Variants in CHD6 observed in about 807,000 individuals in gnomAD.
CHD6 encodes the protein ATP-dependent chromatin remodeler CHD6.
Under a neutral mutation model 276.9 loss-of-function variants are expected in CHD6, and 50 were observed. That is an observed-to-expected ratio of 0.18 (90% CI 0.14 to 0.23). The LOEUF (loss-of-function observed/expected upper bound fraction) is 0.23. CHD6 is among the 10% of genes least tolerant of loss of function. CHD6 has a pLI of 1.00. For synonymous variants in CHD6, 1,173 were observed against 1,229.3 expected, an observed-to-expected ratio of 0.95 and a Z score of 0.96; for missense variants, 2,564 against 3,365.8, an observed-to-expected ratio of 0.76 and a Z score of 5.89.
intron 14 of CHD6, among the ~76,000 whole-genome samples, chr20:41,486,437 T>C (rs1439946336): frequency 6.6e-6 from 1 of 152,184 alleles, no homozygotes; most frequent in Non-Finnish European, 1.5e-5. Flanking sequence ...TAGAGCTGGC[T>C]TTTGAAAATC....
chr20:41,614,010 A>T lies in CHD6; in HGVS notation c.-24+4330T>A, dbSNP rs530991601. Among the ~76,000 whole-genome samples the T allele has an allele frequency of 7.8e-4, 109 of 139,116 alleles. 1 individual carries two copies. Among genetic ancestry groups the T allele is most frequent in the African/African-American group, 2.3e-3 (82 of 35,276 alleles). 91.3% of individuals were successfully genotyped at this position (139,116 alleles called of 152,430 possible). On this transcript the variant is annotated intron_variant, in intron 1 of 36. Coordinates refer to ENST00000373233, the MANE Select transcript of CHD6 (RefSeq NM_032221.5). ...TTACATAAAAACAATCTTAGAGTAT[A>T]AAAAAAAAAAAAATCTAAAACCAAA...
intron 1 of CHD6, among the ~76,000 whole-genome samples, chr20:41,591,379 T>C (rs199906935): frequency 0.067 from 9,687 of 143,956 alleles, 364 homozygotes; most frequent in South Asian, 0.11. Flanking sequence ...TATATATATA[T>C]ACACACACAC....
rs1451185928 is a variant in CHD6 at position 41,428,390 on chromosome 20, T to C, written c.4069-2237A>G. Among the ~76,000 whole-genome samples, 8 of 152,348 alleles carry C rather than the reference T, an allele frequency of 5.3e-5. No homozygotes were observed. The South Asian group carries it at 8.3e-4, about 16-fold the overall frequency. On this transcript the variant is annotated intron_variant, in intron 27 of 36. Transcript: ENST00000373233. ...ATGCAGAGGCCCTGCATCTGAACTATGTAGTCTAATGTGTGCTACCTCAAT... is the reference window on the plus strand; with the variant it reads ...ATGCAGAGGCCCTGCATCTGAACTACGTAGTCTAATGTGTGCTACCTCAAT...
intron 16 of CHD6, among the ~76,000 whole-genome samples, chr20:41,474,754 T>A (rs2145789607): frequency 6.6e-6 from 1 of 152,232 alleles, no homozygotes; most frequent in East Asian, 1.9e-4. Flanking sequence ...GGCAATATGA[T>A]CTTGACTTCC....
intron 3 of CHD6, among the ~76,000 whole-genome samples, chr20:41,518,031 T>C (rs577278222): frequency 2.2e-4 from 33 of 152,328 alleles, no homozygotes; most frequent in African/African-American, 7.2e-4. Context: ...CACAAATTCA[T>C]AGATGTTGAT....
At chr20:41,503,724 A>T (rs1358735927) in intron 5 of CHD6, among the ~76,000 whole-genome samples, 2 of 152,080 alleles carry the variant, frequency 1.3e-5, no homozygotes, top group African/African-American at 4.8e-5. Flanking sequence ...GTCATTAGTT[A>T]TATCGTCAAA....
chr20:41,491,679 G>A lies in CHD6; in HGVS notation c.1436+19C>T. On this transcript the variant is annotated intron_variant, in intron 11 of 36. Coordinates refer to ENST00000373233, the MANE Select transcript of CHD6 (RefSeq NM_032221.5). ...TATACCTCTGGGTACAAACATCTGGGCTGGTTTTGGTTCCTTACCTGTTAT... is the reference window on the plus strand; with the variant it reads ...TATACCTCTGGGTACAAACATCTGGACTGGTTTTGGTTCCTTACCTGTTAT... 2 of 1,613,448 alleles carry A rather than the reference G, an allele frequency of 1.2e-6. No homozygotes were observed. Among genetic ancestry groups the A allele is most frequent in the Non-Finnish European group, 1.7e-6 (2 of 1,179,568 alleles).
At chr20:41,618,230 C>T (rs1440920915) in intron 1 of CHD6, 110 bp downstream of exon 1, 1 of 151,800 alleles carries the variant, frequency 6.6e-6, no homozygotes, top group Non-Finnish European at 1.5e-5. Flanking sequence ...ATCCCGGCTC[C>T]ATTCATAGGG....
rs2043605219 is a variant in CHD6, at chr20:41,493,449, T to C, written c.1314+89A>G. 4 of 1,341,612 alleles carry C rather than the reference T, an allele frequency of 3.0e-6. No homozygotes were observed. In the East Asian group the frequency reaches 9.3e-5, roughly 31 times the overall value. 83.1% of individuals were successfully genotyped at this position (1,341,612 alleles called of 1,614,324 possible). ...AAGGTAAAATACCACAGAAACCACC[T>C]AGGAACAAGCCAGGTGGACTTCCAT... is the stretch of plus-strand genomic sequence containing the variant. On this transcript the variant is annotated intron_variant, in intron 10 of 36. Coordinates refer to ENST00000373233, the MANE Select transcript of CHD6 (RefSeq NM_032221.5).
chr20:41,448,209 G>A (rs1314452164), intron 23 of CHD6, among the ~76,000 whole-genome samples: 1 of 152,118 alleles, frequency 6.6e-6, no homozygotes, highest in East Asian at 1.9e-4. Context: ...TGAGCCACAG[G>A]AGGCAGCAGG....
At chr20:41,410,085 C>G (rs1249519197) in intron 36 of CHD6, among the ~76,000 whole-genome samples, 2 of 152,088 alleles carry the variant, frequency 1.3e-5, no homozygotes, top group Non-Finnish European at 1.5e-5. Flanking sequence ...CATGTGAGCT[C>G]GAAGGAAGGG....
rs1054490510 is a variant in CHD6 at position 41,452,461 on chromosome 20, G to A, written c.3323+279C>T. Among the ~76,000 whole-genome samples, 2 of 152,226 alleles carry A rather than the reference G, an allele frequency of 1.3e-5. No individual in the cohort carries two copies. The highest frequency in any genetic ancestry group is 2.9e-5 in the Non-Finnish European group (2 of 68,042). On this transcript the variant is annotated intron_variant, in intron 21 of 36. Coordinates refer to ENST00000373233, the MANE Select transcript of CHD6 (RefSeq NM_032221.5). The surrounding 1 kb of genome is among the most constrained non-coding windows in gnomAD (Gnocchi z 4.2). Reference sequence around the variant, plus strand: ...CCTTGTATATCCTTGCGGGGTGGGAGGAAGCAGGAAATCAGTACCAGACAG... The same window carrying A: ...CCTTGTATATCCTTGCGGGGTGGGAAGAAGCAGGAAATCAGTACCAGACAG...
At chr20:41,558,649 G>C (rs2146177159) in intron 1 of CHD6, among the ~76,000 whole-genome samples, 2 of 152,130 alleles carry the variant, frequency 1.3e-5, no homozygotes, top group South Asian at 4.2e-4. Flanking sequence ...CAAAAACTCT[G>C]CAACAGTGCC....
In CHD6 at chr20:41,446,855, T is replaced by G. The variant is rs533127677; in HGVS notation, c.3773+1027A>C. On this transcript the variant is annotated intron_variant, in intron 24 of 36. Transcript: ENST00000373233. Reference sequence around the variant, plus strand: ...GGAAGAGGGTGGGCAGCAGACTTACTCTCTCTGTGTTCTACCTAGCTACCA... The same window carrying G: ...GGAAGAGGGTGGGCAGCAGACTTACGCTCTCTGTGTTCTACCTAGCTACCA... Among the ~76,000 whole-genome samples, 53 of 152,292 alleles carry G rather than the reference T, an allele frequency of 3.5e-4. 1 individual carries two copies. Among genetic ancestry groups the G allele is most frequent in the African/African-American group, 1.3e-3 (52 of 41,566 alleles).
In CHD6 at chr20:41,421,759, G is replaced by T; in HGVS notation, c.4876C>A (p.Pro1626Thr). ...TGGTAAAGGCAACAGAGATTTCCTG[G>T]TGCCTGGGTGCCAGATCTTTTATGC... The part of the protein sequence containing the change: ...AQHKRSGTQA[P>T]GNLCCLYQTN... Residue 1626 changes from proline to threonine, a missense_variant, in exon 31 of 37, where the codon CCA becomes ACA. Pro to Thr is a conservative substitution (Grantham distance 38). Transcript: ENST00000373233. 6.2e-7 allele frequency: 1 copy of T among 1,614,168 alleles called. No individual in the cohort carries two copies. Among genetic ancestry groups the T allele is most frequent in the Non-Finnish European group, 8.5e-7 (1 of 1,180,016 alleles).
intron 30 of CHD6, 65 bp from the exon 31 acceptor site, chr20:41,422,144 GCC>G: frequency 6.7e-7 from 1 of 1,503,258 alleles, no homozygotes; most frequent in Middle Eastern, 1.9e-4. Flanking sequence ...GCCCACCTGA[GCC>G]CCTGCATCTT....
At chr20:41,572,038 C>A (rs1400378593) in intron 1 of CHD6, among the ~76,000 whole-genome samples, 1 of 152,182 alleles carries the variant, frequency 6.6e-6, no homozygotes, top group Non-Finnish European at 1.5e-5. Flanking sequence ...TGTTCTTGTA[C>A]TTAGCTATTA....
intron 3 of CHD6, among the ~76,000 whole-genome samples, chr20:41,519,565 A>G (rs1245172807): frequency 2.6e-5 from 4 of 152,142 alleles, no homozygotes; most frequent in Non-Finnish European, 5.9e-5. Flanking sequence ...GAATTCTACA[A>G]ACTGCAGGAA....
chr20:41,539,470 C>T (rs1377804753), intron 2 of CHD6, among the ~76,000 whole-genome samples: 1 of 152,146 alleles, frequency 6.6e-6, no homozygotes. Context: ...GAGAGGGACA[C>T]CTGGTCACTG....
Sources: gnomAD v4.1 joint callset for allele counts (sites outside exome capture counted in the v4.1 genomes callset) on GRCh38, gnomAD v4.1.1 for gene constraint, Gnocchi (gnomAD v3.1) non-coding constraint, MANE v1.5 for transcripts, NCBI Gene and HGNC (gene_info 2026-07-23, HGNC 2026-07-21) for gene names.